Variants in LRRC37A2 observed in about 807,000 individuals in gnomAD.
LRRC37A2 encodes leucine-rich repeat-containing protein 37A2.
Under a neutral mutation model 68.8 loss-of-function variants are expected in LRRC37A2, and 9 were observed. The observed-to-expected ratio is 0.13, with a 90% CI of 0.08 to 0.23. The LOEUF (loss-of-function observed/expected upper bound fraction) is 0.23. LRRC37A2 is among the 10% of genes least tolerant of loss of function. LRRC37A2 has a pLI of 1.00. For synonymous variants in LRRC37A2, 63 were observed against 367.6 expected, an observed-to-expected ratio of 0.17 and a Z score of 9.48; for missense variants, 168 against 950.4, an observed-to-expected ratio of 0.18 and a Z score of 10.82.
At chr17:46,739,961 A>G in the LRRC37A2 span, among the ~76,000 whole-genome samples, 2 of 152,144 alleles carry the variant, frequency 1.3e-5, no homozygotes, top group South Asian at 2.1e-4. Context: ...CAGCCTCCCA[A>G]AGTGCTGGGA....
the LRRC37A2 span, chr17:47,018,694 A>C: frequency 2.6e-6 from 4 of 1,520,394 alleles, no homozygotes; most frequent in Non-Finnish European, 3.6e-6. Flanking sequence ...GCTGCAGCTG[A>C]GCATCCACAG....
the LRRC37A2 span, chr17:46,726,494 A>G: frequency 6.5e-7 from 1 of 1,530,978 alleles, no homozygotes; most frequent in Non-Finnish European, 9.1e-7. Context: ...ACTTCTTGGA[A>G]ATTGTCGTAA....
At chr17:46,789,024 G>A in the LRRC37A2 span, among the ~76,000 whole-genome samples, 1 of 152,216 alleles carries the variant, frequency 6.6e-6, no homozygotes, top group South Asian at 2.1e-4. Flanking sequence ...GCTCCCCAGG[G>A]CTCCTCAGAG....
chr17:46,983,351 C>T, the LRRC37A2 span, among the ~76,000 whole-genome samples: 35 of 125,970 alleles, frequency 2.8e-4, no homozygotes, highest in East Asian at 7.3e-3. Context: ...GGCTGGAGTG[C>T]GGTGGCATGA....
chr17:46,828,039 TGACCTCATGATCCGCC>T, the LRRC37A2 span, among the ~76,000 whole-genome samples: 20 of 151,924 alleles, frequency 1.3e-4, no homozygotes, highest in East Asian at 5.8e-4. Context: ...CTCGATCCGC[TGACCTCATGATCCGCC>T]GACCTCATGA....
chr17:46,865,357 C>T, the LRRC37A2 span, among the ~76,000 whole-genome samples: 1 of 152,158 alleles, frequency 6.6e-6, no homozygotes, highest in Non-Finnish European at 1.5e-5. Flanking sequence ...TGGGGCTGTG[C>T]TTGGAGAGAC....
chr17:46,797,753 C>T, the LRRC37A2 span, among the ~76,000 whole-genome samples: 16 of 152,140 alleles, frequency 1.1e-4, no homozygotes, highest in African/African-American at 2.9e-4. Flanking sequence ...TATTATGCAA[C>T]TGTGAGCATG....
At chr17:47,031,206 G>T in the LRRC37A2 span, among the ~76,000 whole-genome samples, 3 of 148,784 alleles carry the variant, frequency 2.0e-5, no homozygotes, top group Non-Finnish European at 4.5e-5. Context: ...CAGGCCAAGA[G>T]CTTATTCGTG....
chr17:46,530,121 G>A (rs1455623740), intron 6 of LRRC37A2, among the ~76,000 whole-genome samples: 14 of 138,428 alleles, frequency 1.0e-4, no homozygotes, highest in Non-Finnish European at 2.0e-4. Flanking sequence ...CAAACTCCTG[G>A]GCTCAAGCTT....
At chr17:46,861,824 C>T in the LRRC37A2 span, among the ~76,000 whole-genome samples, 1 of 152,178 alleles carries the variant, frequency 6.6e-6, no homozygotes, top group Admixed American at 6.5e-5. Context: ...GTGTTACAAT[C>T]CCTTTGAGGC....
At chr17:46,908,884 G>T in the LRRC37A2 span, among the ~76,000 whole-genome samples, 7 of 152,186 alleles carry the variant, frequency 4.6e-5, no homozygotes, top group Non-Finnish European at 1.0e-4. Flanking sequence ...AAATGGAGGA[G>T]CTATTCAGTC....
the LRRC37A2 span, among the ~76,000 whole-genome samples, chr17:46,627,532 C>T: frequency 7.4e-6 from 1 of 135,354 alleles, no homozygotes; most frequent in Non-Finnish European, 1.6e-5. Flanking sequence ...GCACATCATA[C>T]ATAATATAAA....
chr17:46,931,211 A>C, the LRRC37A2 span: 1 of 1,299,632 alleles, frequency 7.7e-7, no homozygotes, highest in Non-Finnish European at 1.1e-6. Context: ...CCAGACTGTA[A>C]GTGCTGACCT....
chr17:46,938,604 T>C, the LRRC37A2 span: 1 of 1,613,294 alleles, frequency 6.2e-7, no homozygotes, highest in Non-Finnish European at 8.5e-7. Flanking sequence ...CCCAGGGGAC[T>C]CAGAAGAAGA....
At chr17:46,760,546 G>GC in the LRRC37A2 span, among the ~76,000 whole-genome samples, 1 of 146,482 alleles carries the variant, frequency 6.8e-6, no homozygotes, top group East Asian at 2.1e-4. Context: ...GAGGTAGGAG[G>GC]TCACTTGAGC....
At chr17:46,901,606 C>T in the LRRC37A2 span, among the ~76,000 whole-genome samples, 1 of 152,092 alleles carries the variant, frequency 6.6e-6, no homozygotes, top group African/African-American at 2.4e-5. Context: ...TTTTTGTATT[C>T]AGTGTAGTAG....
chr17:47,015,362 C>T, the LRRC37A2 span, among the ~76,000 whole-genome samples: 1 of 152,184 alleles, frequency 6.6e-6, no homozygotes, highest in African/African-American at 2.4e-5. Flanking sequence ...TGTTTACATA[C>T]ACAAATACCT....
chr17:46,978,570 A>G, the LRRC37A2 span: 1 of 1,487,572 alleles, frequency 6.7e-7, no homozygotes, highest in South Asian at 1.3e-5. Flanking sequence ...GGCAGAGCGC[A>G]GAGAGCGGGG....
chr17:46,942,818 CCTTTT>C, the LRRC37A2 span, among the ~76,000 whole-genome samples: 3 of 152,264 alleles, frequency 2.0e-5, no homozygotes, highest in Admixed American at 6.5e-5. Context: ...TTTTCTGTGT[CCTTTT>C]CATTTCATAT....
Sources: gnomAD v4.1 joint callset for allele counts (sites outside exome capture counted in the v4.1 genomes callset) on GRCh38, gnomAD v4.1.1 for gene constraint, MANE v1.5 for transcripts, NCBI Gene and HGNC (gene_info 2026-07-23, HGNC 2026-07-21) for gene names.